Variants in BCL2L14 observed in about 807,000 individuals in gnomAD.
BCL2L14 encodes the protein BCL2 like 14.
In BCL2L14, 27 loss-of-function variants were observed where a neutral mutation model predicts 35.3. The ratio of observed to expected loss-of-function variants is 0.76; its 90% CI spans 0.56 to 1.05. BCL2L14 has a LOEUF of 1.05. BCL2L14 is among the 50% of genes least tolerant of loss of function. BCL2L14 has a pLI of 0.00. For missense variants in BCL2L14, 377 were observed against 382.6 expected (o/e 0.99, Z 0.12); for synonymous variants, 139 against 145.9 (o/e 0.95, Z 0.34).
intron 2 of BCL2L14, among the ~76,000 whole-genome samples, chr12:12,059,405 C>T (rs1359717822): frequency 6.6e-6 from 1 of 151,980 alleles, no homozygotes; most frequent in Non-Finnish European, 1.5e-5. Context: ...CATATCTCTG[C>T]ACCCCAATCC....
chr12:12,069,398 A>G (rs1444571251), upstream of BCL2L14, among the ~76,000 whole-genome samples: 1 of 151,986 alleles, frequency 6.6e-6, no homozygotes, highest in East Asian at 1.9e-4. Flanking sequence ...TCTCCCCCCA[A>G]AAAAAGGTTG....
intron 1 of BCL2L14, among the ~76,000 whole-genome samples, chr12:12,050,445 A>AAAAG (rs1555084676): frequency 6.1e-5 from 8 of 131,118 alleles, no homozygotes; most frequent in African/African-American, 1.8e-4. Flanking sequence ...AAAAAAAAAA[A>AAAAG]AAAAGAAAAG....
chr12:12,095,537 C>G (rs1349068184), intron 5 of BCL2L14: 1 of 985,434 alleles, frequency 1.0e-6, no homozygotes, highest in Non-Finnish European at 1.2e-6. Context: ...TTCCTCAGGT[C>G]TCCTTAAGAC....
intron 1 of BCL2L14, among the ~76,000 whole-genome samples, chr12:12,077,351 G>A (rs1459473450): frequency 6.6e-6 from 1 of 151,988 alleles, no homozygotes; most frequent in East Asian, 1.9e-4. Context: ...GCACCAGACT[G>A]GGCAACATAG....
intron 1 of BCL2L14, chr12:12,072,170 G>C (rs1250633990): frequency 6.6e-6 from 1 of 152,314 alleles, no homozygotes; most frequent in Non-Finnish European, 1.5e-5. Context: ...GGCCGCCTCT[G>C]TGTGTGGAAA....
At chr12:12,051,221 C>T (rs900594526) in intron 1 of BCL2L14, among the ~76,000 whole-genome samples, 1 of 152,144 alleles carries the variant, frequency 6.6e-6, no homozygotes, top group Non-Finnish European at 1.5e-5. Flanking sequence ...TTCTTGCAGA[C>T]TAGACTAGCA....
chr12:12,058,619 C>T (rs541801238), intron 2 of BCL2L14, among the ~76,000 whole-genome samples: 8 of 151,566 alleles, frequency 5.3e-5, no homozygotes, highest in Non-Finnish European at 1.2e-4. Context: ...CGCCAGAGAA[C>T]CCCCCTTTTT....
chr12:12,079,807 T>C, intron 2 of BCL2L14, 69 bp downstream of exon 2: 1 of 1,477,576 alleles, frequency 6.8e-7, no homozygotes, highest in Middle Eastern at 2.5e-4. Context: ...GAGTGGTACA[T>C]CTCTTCTCAT....
At chr12:12,065,254 G>A (rs930251589) in intron 2 of BCL2L14, among the ~76,000 whole-genome samples, 4 of 152,160 alleles carry the variant, frequency 2.6e-5, no homozygotes, top group South Asian at 4.1e-4. Flanking sequence ...AAGACAGGCC[G>A]GGTGCAGTGA....
At chr12:12,063,754 C>CTGGATGAGTT (rs1258852171) in intron 2 of BCL2L14, among the ~76,000 whole-genome samples, 1 of 152,138 alleles carries the variant, frequency 6.6e-6, no homozygotes, top group Admixed American at 6.6e-5. Flanking sequence ...ATGGCCAGTT[C>CTGGATGAGTT]CTGCCTTAAC....
chr12:12,051,848 G>A lies in BCL2L14; in HGVS notation c.-272+1G>A, dbSNP rs953564117. On this transcript the variant is annotated splice_donor_variant, in intron 2 of 3. Coordinates refer to the BCL2L14 transcript ENST00000461264. LOFTEE classifies it low-confidence loss of function (5UTR_SPLICE). ...GGTGATGGACACTAAAACAAAGACC[G>A]TAAGTACTGTAATAGCTACACACAA... The A allele has an allele frequency of 1.8e-4, 28 of 152,172 alleles. No homozygotes were observed. Among genetic ancestry groups the A allele is most frequent in the African/African-American group, 5.8e-4 (24 of 41,434 alleles). The allele number at this position is 152,172 out of a possible 1,614,324, so 9.4% of individuals were successfully genotyped here. A position where few individuals can be genotyped will look rare whatever the true frequency, so the allele number is the denominator to read the frequency against.
intron 1 of BCL2L14, among the ~76,000 whole-genome samples, chr12:12,075,375 G>A (rs1948756645): frequency 6.6e-6 from 1 of 151,662 alleles, no homozygotes; most frequent in South Asian, 2.1e-4. Flanking sequence ...TGGGATTACA[G>A]GCGTGAACGA....
chr12:12,058,253 CTT>C (rs58296575), intron 2 of BCL2L14, among the ~76,000 whole-genome samples: 1 of 143,632 alleles, frequency 7.0e-6, no homozygotes, highest in Admixed American at 7.0e-5. Context: ...TGCCCAGACT[CTT>C]TTTTTTTTCT....
intron 2 of BCL2L14, among the ~76,000 whole-genome samples, chr12:12,080,802 C>G (rs1290560663): frequency 6.6e-6 from 1 of 152,092 alleles, no homozygotes; most frequent in Non-Finnish European, 1.5e-5. Flanking sequence ...TAAAAGGACT[C>G]TTGACAAAGT....
chr12:12,056,333 A>G (rs1948432533), intron 2 of BCL2L14, among the ~76,000 whole-genome samples: 1 of 152,114 alleles, frequency 6.6e-6, no homozygotes, highest in African/African-American at 2.4e-5. Context: ...TTAAAGTGAG[A>G]GCTTATCCAA....
intron 2 of BCL2L14, among the ~76,000 whole-genome samples, chr12:12,062,530 T>G (rs1243015914): frequency 1.3e-5 from 2 of 151,476 alleles, no homozygotes; most frequent in Non-Finnish European, 2.9e-5. Flanking sequence ...ATTCTACTAC[T>G]CCTCAGGGAT....
chr12:12,083,951 G>T (rs1033858456), intron 2 of BCL2L14, among the ~76,000 whole-genome samples: 2 of 151,962 alleles, frequency 1.3e-5, no homozygotes, highest in African/African-American at 2.4e-5. Flanking sequence ...AAGAATTCCT[G>T]GGAATTCTGC....
At chr12:12,087,451 TCCATC>T in intron 3 of BCL2L14, 65 bp downstream of exon 3, 1 of 1,558,120 alleles carries the variant, frequency 6.4e-7, no homozygotes, top group South Asian at 1.2e-5. Flanking sequence ...TGTGTATTTA[TCCATC>T]CCAGGGCTCG....
chr12:12,060,207 C>A (rs1408557687), intron 2 of BCL2L14, among the ~76,000 whole-genome samples: 6 of 151,448 alleles, frequency 4.0e-5, no homozygotes, highest in Non-Finnish European at 7.4e-5. Context: ...TAGCCCTCCC[C>A]CTCCTGCCCA....
Sources: allele counts gnomAD v4.1 joint callset (sites outside exome capture counted in the v4.1 genomes callset), GRCh38; gene constraint gnomAD v4.1.1; transcripts MANE v1.5; gene names NCBI Gene and HGNC (gene_info 2026-07-23, HGNC 2026-07-21).